Variants in SOX5 observed in about 807,000 individuals in gnomAD.
SOX5 encodes the protein SRY-box transcription factor 5.
Under a neutral mutation model 92.0 loss-of-function variants are expected in SOX5, and 9 were observed. The observed-to-expected ratio is 0.10, with a 90% confidence interval of 0.06 to 0.17. The LOEUF (loss-of-function observed/expected upper bound fraction) is 0.17. SOX5 is among the 10% of genes least tolerant of loss of function. The pLI is 1.00. For synonymous variants in SOX5, 344 were observed against 336.3 expected (o/e 1.02, Z -0.25); for missense variants, 642 against 944.5 (o/e 0.68, Z 4.20).
At chr12:24,343,263 T>C (rs569146367) in intron 2 of SOX5, among the ~76,000 whole-genome samples, 1 of 144,014 alleles carries the variant, frequency 6.9e-6, no homozygotes, top group East Asian at 1.9e-4. Flanking sequence ...CTTCTGTCTA[T>C]AATTTATCCC....
At chr12:24,508,765 A>G (rs1949037145) in intron 1 of SOX5, among the ~76,000 whole-genome samples, 2 of 152,174 alleles carry the variant, frequency 1.3e-5, no homozygotes, top group African/African-American at 4.8e-5. Flanking sequence ...TGAAGAGGGC[A>G]AAGAACAGTG....
intron 3 of SOX5, among the ~76,000 whole-genome samples, chr12:24,252,511 A>T (rs1034634964): frequency 6.6e-6 from 1 of 152,152 alleles, no homozygotes; most frequent in Non-Finnish European, 1.5e-5. Flanking sequence ...GGCCAAAAAA[A>T]AAAAGTTAAG....
rs1174527085 is a variant in SOX5, at chr12:23,602,118, AAAG to A, written c.1164+2266_1164+2268del. ...CACTTTCAAAAAGTCATTGAATTTC[AAAG>A]AAGAACTATATTTTTAAATAATGTA... is the stretch of plus-strand genomic sequence containing the variant. On this transcript the variant is annotated intron_variant, in intron 9 of 14. Coordinates refer to ENST00000451604, the MANE Select transcript of SOX5 (RefSeq NM_006940.6). 6.6e-5 allele frequency among the ~76,000 whole-genome samples: 10 copies of A among 152,288 alleles called. No individual in the cohort carries two copies. The East Asian group carries it at 1.5e-3, about 24-fold the overall frequency.
chr12:23,749,436 G>T (rs775101634), intron 4 of SOX5, among the ~76,000 whole-genome samples: 7 of 151,716 alleles, frequency 4.6e-5, no homozygotes, highest in Non-Finnish European at 1.0e-4. Flanking sequence ...TATCTTAAAA[G>T]GTGGGCCTTG....
chr12:24,248,698 T>C (rs1939406515), intron 3 of SOX5, among the ~76,000 whole-genome samples: 1 of 152,216 alleles, frequency 6.6e-6, no homozygotes, highest in South Asian at 2.1e-4. Context: ...CTTTTCCTTT[T>C]TTTAAGCTTT....
rs576716787 is a variant in SOX5 at position 23,635,232 on chromosome 12, T to C, written c.1017+5580A>G. ...GTAAAGATGGTGAGTAATGGGGTTA[T>C]TTCCTGGGGTTATTCCAGGAAGAGA... On this transcript the variant is annotated intron_variant, in intron 8 of 14. Coordinates refer to ENST00000451604, the MANE Select transcript of SOX5 (RefSeq NM_006940.6). Among the ~76,000 whole-genome samples the C allele has an allele frequency of 2.6e-5, 4 of 152,240 alleles. No homozygotes were observed. In the South Asian group the frequency reaches 8.3e-4, roughly 32 times the overall value.
At chr12:24,073,222 A>G (rs1942035014) in intron 4 of SOX5, among the ~76,000 whole-genome samples, 1 of 152,228 alleles carries the variant, frequency 6.6e-6, no homozygotes, top group African/African-American at 2.4e-5. Flanking sequence ...CAAACAACAG[A>G]TGCATTTGGA....
chr12:23,602,023 A>T (rs991574754), intron 9 of SOX5, among the ~76,000 whole-genome samples: 2 of 152,200 alleles, frequency 1.3e-5, no homozygotes, highest in African/African-American at 2.4e-5. Flanking sequence ...GGATGGAAAG[A>T]AGTACAACAC....
At chr12:23,845,416 C>G (rs10771038) in intron 3 of SOX5, among the ~76,000 whole-genome samples, 58,305 of 151,924 alleles carry the variant, frequency 0.38, 12,315 homozygotes, top group East Asian at 0.78. Context: ...CCTGAAGGTT[C>G]CTATCAGGAA....
At chr12:23,873,779 A>G (rs996893767) in intron 2 of SOX5, among the ~76,000 whole-genome samples, 3 of 152,358 alleles carry the variant, frequency 2.0e-5, no homozygotes, top group African/African-American at 7.2e-5. Flanking sequence ...GAAAAGGGGT[A>G]TATAAAGATC....
chr12:24,212,395 T>C (rs1243529916), intron 4 of SOX5: 2 of 533,666 alleles, frequency 3.7e-6, no homozygotes, highest in East Asian at 5.5e-5. Flanking sequence ...TATCTCTCTG[T>C]ATAATGAAAA....
chr12:24,159,247 C>G (rs1023720538), intron 4 of SOX5, among the ~76,000 whole-genome samples: 10 of 152,010 alleles, frequency 6.6e-5, no homozygotes, highest in African/African-American at 2.4e-4. Context: ...ATTCTCTGAA[C>G]TATTACAATG....
intron 6 of SOX5, among the ~76,000 whole-genome samples, chr12:23,676,002 G>A (rs542003614): frequency 5.5e-4 from 83 of 152,218 alleles, no homozygotes; most frequent in African/African-American, 1.9e-3. Context: ...ATGTTGGCAA[G>A]CGTATAGAGA....
At chr12:24,183,858 T>C (rs1006419607) in intron 4 of SOX5, among the ~76,000 whole-genome samples, 2 of 152,212 alleles carry the variant, frequency 1.3e-5, no homozygotes, top group African/African-American at 4.8e-5. Flanking sequence ...TGCTGAGTTT[T>C]CTTATCTACA....
intron 1 of SOX5, among the ~76,000 whole-genome samples, chr12:24,390,023 T>C (rs922738173): frequency 6.6e-6 from 1 of 152,180 alleles, no homozygotes; most frequent in African/African-American, 2.4e-5. Flanking sequence ...TTTAAGACCA[T>C]CATTTGTTTC....
chr12:23,695,905 C>A (rs192863670), intron 6 of SOX5, among the ~76,000 whole-genome samples: 1 of 120,496 alleles, frequency 8.3e-6, no homozygotes, highest in Admixed American at 1.1e-4. Context: ...TGCGCCACTG[C>A]ACTCCAGCTT....
chr12:24,531,980 CAACT>C (rs1186360675), intron 1 of SOX5, among the ~76,000 whole-genome samples: 1 of 152,090 alleles, frequency 6.6e-6, no homozygotes, highest in Non-Finnish European at 1.5e-5. Flanking sequence ...TTCAGCAGAC[CAACT>C]ATTTAAATTG....
At chr12:24,387,733 T>C (rs1399245796) in intron 1 of SOX5, among the ~76,000 whole-genome samples, 1 of 152,220 alleles carries the variant, frequency 6.6e-6, no homozygotes, top group African/African-American at 2.4e-5. Context: ...ACATAATCAG[T>C]AAAATTGTTA....
At chr12:24,332,583 TA>T (rs1485161663) in intron 2 of SOX5, among the ~76,000 whole-genome samples, 1 of 151,748 alleles carries the variant, frequency 6.6e-6, no homozygotes, top group East Asian at 1.9e-4. Flanking sequence ...AATCTAAAAA[TA>T]AAAAATAAAA....
Sources: gnomAD v4.1 joint callset for allele counts (sites outside exome capture counted in the v4.1 genomes callset) on GRCh38, gnomAD v4.1.1 for gene constraint, MANE v1.5 for transcripts, NCBI Gene and HGNC (gene_info 2026-07-23, HGNC 2026-07-21) for gene names.